OXNAD1: variants seen among roughly 807,000 people sequenced by gnomAD.
OXNAD1 encodes oxidoreductase NAD-binding domain-containing protein 1.
Under a neutral mutation model 32.9 loss-of-function variants are expected in OXNAD1, and 34 were observed. The ratio of observed to expected loss-of-function variants is 1.03; its 90% CI spans 0.79 to 1.38. The LOEUF is 1.38. OXNAD1 is among the 40% of genes most tolerant of loss of function. OXNAD1 has a pLI of 0.00. For missense variants in OXNAD1, 407 were observed against 379.4 expected, an observed-to-expected ratio of 1.07 and a Z score of -0.60; for synonymous variants, 134 against 135.2, an observed-to-expected ratio of 0.99 and a Z score of 0.06.
In OXNAD1 at chr3:16,316,928, G is replaced by A; in HGVS notation, c.*30+13336G>A. ...GTGCCCAGTGCAAATCCCCACCAGG[G>A]CCCTGCTGTGGCTGGCAGGACCATT... On this transcript the variant is annotated intron_variant, in intron 9 of 9. Transcript: ENST00000435829. The surrounding 1 kb of genome is among the most constrained non-coding windows in gnomAD (Gnocchi z 4.5). 2 of 1,614,038 alleles carry A rather than the reference G, an allele frequency of 1.2e-6. No individual in the cohort carries two copies. The highest frequency in any genetic ancestry group is 1.3e-5 in the African/African-American group (1 of 75,006).
intron 4 of OXNAD1, chr3:16,276,340 ATTTT>A: frequency 5.7e-6 from 1 of 174,064 alleles, no homozygotes; most frequent in Non-Finnish European, 1.2e-5. Flanking sequence ...TCTTCTGTGA[ATTTT>A]TTTTTTTTTT....
At chr3:16,311,080 A>G (rs2067949565), downstream of OXNAD1, among the ~76,000 whole-genome samples, 1 of 151,266 alleles carries the variant, frequency 6.6e-6, no homozygotes, top group Non-Finnish European at 1.5e-5. Context: ...GTACTCCCAC[A>G]TGCATACCAT....
In OXNAD1 at chr3:16,335,426, G is replaced by A. The variant is rs1405410805; in HGVS notation, c.*31-1686G>A. Among the ~76,000 whole-genome samples the A allele has an allele frequency of 3.3e-5, 5 of 152,378 alleles. No homozygotes were observed. In the East Asian group the frequency reaches 9.6e-4, roughly 29 times the overall value. On this transcript the variant is annotated intron_variant, in intron 9 of 9. Coordinates refer to the OXNAD1 transcript ENST00000435829. This position sits in a 1 kb window ranked among gnomAD's most constrained non-coding sequence, Gnocchi z 4.7. ...TTCTTTATCCAGTCCATAATGCTAT[G>A]CAGCCTTAAAAAGGAACGAATCACG...
chr3:16,341,797 TAAC>T (rs1323938821), downstream of OXNAD1, among the ~76,000 whole-genome samples: 1 of 152,180 alleles, frequency 6.6e-6, no homozygotes, highest in African/African-American at 2.4e-5. This position sits in a 1 kb window ranked among gnomAD's most constrained non-coding sequence, Gnocchi z 4.7. Context: ...AAAAGCCTAA[TAAC>T]AGAAACATTT....
In OXNAD1 at chr3:16,342,519, A is replaced by C. The variant is rs1462251700; in HGVS notation, c.*31-6657A>C. Reference sequence around the variant, plus strand: ...AATGTACATAGGTCTTTATGTGGACATATGTTTTCATTTCTCTTAAATATA... The same window carrying C: ...AATGTACATAGGTCTTTATGTGGACCTATGTTTTCATTTCTCTTAAATATA... On this transcript the variant is annotated intron_variant, in intron 9 of 9. Transcript: ENST00000606098. This position sits in a 1 kb window ranked among gnomAD's most constrained non-coding sequence, Gnocchi z 4.0. Among the ~76,000 whole-genome samples, 2 of 152,154 alleles carry C rather than the reference A, an allele frequency of 1.3e-5. No homozygotes were observed. Among genetic ancestry groups the C allele is most frequent in the Non-Finnish European group, 2.9e-5 (2 of 68,036 alleles).
In OXNAD1 at chr3:16,298,918, G is replaced by A. The variant is rs1052542064; in HGVS notation, c.433-2708G>A. ...TGAGTCTTGTGTTCGTGTTACCCTCGCAGTTTTTATTGATCAACAAAAAGA... is the reference window on the plus strand; with the variant it reads ...TGAGTCTTGTGTTCGTGTTACCCTCACAGTTTTTATTGATCAACAAAAAGA... On this transcript the variant is annotated intron_variant, in intron 6 of 8. Transcript: ENST00000285083. This position sits in a 1 kb window ranked among gnomAD's most constrained non-coding sequence, Gnocchi z 5.1. Among the ~76,000 whole-genome samples the A allele has an allele frequency of 2.0e-5, 3 of 151,990 alleles. No individual in the cohort carries two copies. Among genetic ancestry groups the A allele is most frequent in the African/African-American group, 4.8e-5 (2 of 41,380 alleles).
At chr3:16,342,194 C>T (rs1243774173), downstream of OXNAD1, among the ~76,000 whole-genome samples, 2 of 152,130 alleles carry the variant, frequency 1.3e-5, no homozygotes, top group African/African-American at 4.8e-5. This position sits in a 1 kb window ranked among gnomAD's most constrained non-coding sequence, Gnocchi z 4.0. Flanking sequence ...TTAGCAGTCA[C>T]TCCCCTTTCC....
In OXNAD1 at chr3:16,335,119, T is replaced by TGC. The variant is rs1169673156; in HGVS notation, c.*31-1991_*31-1990dup. Among the ~76,000 whole-genome samples, 12 of 152,338 alleles carry TGC rather than the reference T, an allele frequency of 7.9e-5. No individual in the cohort carries two copies. The highest frequency in any genetic ancestry group is 2.9e-4 in the African/African-American group (12 of 41,578). Reference sequence around the variant, plus strand: ...CTCAACAAATGTAAGACAATAAACTTGCGTTGTTTTAAGTCACTAAATCTG... The same window carrying TGC: ...CTCAACAAATGTAAGACAATAAACTTGCGCGTTGTTTTAAGTCACTAAATCTG... On this transcript the variant is annotated intron_variant, in intron 9 of 9. Transcript: ENST00000435829. This position sits in a 1 kb window ranked among gnomAD's most constrained non-coding sequence, Gnocchi z 4.7.
chr3:16,279,733 C>T (rs2065614269), intron 4 of OXNAD1, among the ~76,000 whole-genome samples: 1 of 152,110 alleles, frequency 6.6e-6, no homozygotes, highest in Admixed American at 6.5e-5. Flanking sequence ...GTGCTGAATT[C>T]TGCTGAGAGG....
At position 16,294,902 on chromosome 3, in the gene OXNAD1, A is replaced by G. The variant is rs985740329; in HGVS notation, c.337A>G (p.Ile113Val). The G allele has an allele frequency of 1.7e-5, 28 of 1,613,460 alleles. No individual in the cohort carries two copies. Among genetic ancestry groups the G allele is most frequent in the African/African-American group, 4.0e-5 (3 of 74,844 alleles). The part of the protein sequence containing the change: ...PGVSVVGGFS[I>V]CSSPRLLEQE... ...AGTCTCTGTGGTTGGTGGGTTTTCAATATGCTCCAGTCCCAGACTGCTAGA... is the reference window on the plus strand; with the variant it reads ...AGTCTCTGTGGTTGGTGGGTTTTCAGTATGCTCCAGTCCCAGACTGCTAGA... The change falls in exon 6 of 9, where the codon ATA (isoleucine) becomes GTA (valine). Residue 113 changes from isoleucine to valine, a missense_variant. Transcript: ENST00000285083.
At chr3:16,310,006 T>G (rs1030346311), downstream of OXNAD1, among the ~76,000 whole-genome samples, 1 of 152,220 alleles carries the variant, frequency 6.6e-6, no homozygotes, top group Admixed American at 6.6e-5. Flanking sequence ...GACATTGTCT[T>G]GGACTGAAGC....
At chr3:16,274,280 G>A (rs1452423891) in intron 4 of OXNAD1, among the ~76,000 whole-genome samples, 1 of 151,440 alleles carries the variant, frequency 6.6e-6, no homozygotes, top group Non-Finnish European at 1.5e-5. Context: ...TATAACTACA[G>A]TATGTTAAGC....
rs539692821 is a variant in OXNAD1, at chr3:16,321,071, T to C, written c.*31-16041T>C. ...AGATGGGTCTTAAGGATAGATTGAA[T>C]ATAGGGGAAGGAGAGGGGAGGGTCA... is the stretch of plus-strand genomic sequence containing the variant. On this transcript the variant is annotated intron_variant, in intron 9 of 9. Transcript: ENST00000435829. The surrounding 1 kb of genome is among the most constrained non-coding windows in gnomAD (Gnocchi z 4.8). 4.0e-5 allele frequency among the ~76,000 whole-genome samples: 6 copies of C among 151,774 alleles called. No homozygotes were observed. Among genetic ancestry groups the C allele is most frequent in the Non-Finnish European group, 8.8e-5 (6 of 67,950 alleles).
At chr3:16,293,471 C>T (rs1013168209) in intron 5 of OXNAD1, among the ~76,000 whole-genome samples, 1 of 152,230 alleles carries the variant, frequency 6.6e-6, no homozygotes, top group East Asian at 1.9e-4. Flanking sequence ...GCAGCTTCCA[C>T]CTCTGCAATC....
intron 9 of OXNAD1, chr3:16,326,632 G>T: frequency 1.5e-6 from 1 of 645,810 alleles, no homozygotes; most frequent in Non-Finnish European, 2.6e-6. Flanking sequence ...TGGCTCTGCT[G>T]CTTCCCAGTG....
At position 16,280,979 on chromosome 3, in the gene OXNAD1, C is replaced by T. The variant is rs1053084025; in HGVS notation, c.184-5363C>T. Among the ~76,000 whole-genome samples, 7 of 152,128 alleles carry T rather than the reference C, an allele frequency of 4.6e-5. No individual in the cohort carries two copies. The highest frequency in any genetic ancestry group is 1.2e-4 in the African/African-American group (5 of 41,430). Reference sequence around the variant, plus strand: ...GTTGAGGTTTCAGTTGTGAATCTTTCGATCCATTAAGTATAAGAGCCAATA... The same window carrying T: ...GTTGAGGTTTCAGTTGTGAATCTTTTGATCCATTAAGTATAAGAGCCAATA... On this transcript the variant is annotated intron_variant, in intron 4 of 8. Coordinates refer to ENST00000285083, the MANE Select transcript of OXNAD1 (RefSeq NM_138381.5). The surrounding 1 kb of genome is among the most constrained non-coding windows in gnomAD (Gnocchi z 4.5).
rs756235520 is a variant in OXNAD1, at chr3:16,303,500, T to A, written c.877T>A (p.Ser293Thr). The stretch of plus-strand genomic sequence containing the variant: ...CCCACCTCCAATGACAGACTTTTTC[T>A]CCAAGCAACTGGAAAACAACCATGT... ...CGPPPMTDFF[S>T]KQLENNHVPK... The change falls in exon 9 of 9, where the codon TCC (serine) becomes ACC (threonine). Residue 293 changes from serine (S) to threonine (T), a missense_variant. Physicochemically the swap from Ser to Thr is moderately conservative, Grantham distance 58. Transcript: ENST00000285083. This position sits in a 1 kb window ranked among gnomAD's most constrained non-coding sequence, Gnocchi z 4.8. The A allele has an allele frequency of 2.5e-6, 4 of 1,613,938 alleles. No homozygotes were observed. In the African/African-American group the frequency reaches 5.3e-5, roughly 22 times the overall value.
At chr3:16,318,298 C>T (rs2068658087) in intron 9 of OXNAD1, among the ~76,000 whole-genome samples, 1 of 152,140 alleles carries the variant, frequency 6.6e-6, no homozygotes, top group African/African-American at 2.4e-5. Flanking sequence ...CAGCTGTTAT[C>T]TCATTGGTTT....
chr3:16,280,061 TATA>T lies in OXNAD1; in HGVS notation c.184-6274_184-6272del, dbSNP rs2065634520. The stretch of plus-strand genomic sequence containing the variant: ...AGTTTTCTCATATGTAAAATGGGGA[TATA>T]ATAATATTGGCTTTCTAGAGTTGTG... On this transcript the variant is annotated intron_variant, in intron 4 of 8. Coordinates refer to ENST00000285083, the MANE Select transcript of OXNAD1 (RefSeq NM_138381.5). This position sits in a 1 kb window ranked among gnomAD's most constrained non-coding sequence, Gnocchi z 4.5. Among the ~76,000 whole-genome samples the T allele has an allele frequency of 6.6e-6, 1 of 152,208 alleles. No individual in the cohort carries two copies.
Sources: gnomAD v4.1 joint callset for allele counts (sites outside exome capture counted in the v4.1 genomes callset) on GRCh38, gnomAD v4.1.1 for gene constraint, Gnocchi (gnomAD v3.1) non-coding constraint, MANE v1.5 for transcripts, NCBI Gene and HGNC (gene_info 2026-07-23, HGNC 2026-07-21) for gene names.